The following ARIH2 variants were observed in gnomAD, a reference collection of about 807,000 sequenced individuals.
ARIH2 encodes the protein E3 ubiquitin-protein ligase ARIH2.
Under a neutral mutation model 79.8 loss-of-function variants are expected in ARIH2, and 12 were observed. That is an observed-to-expected ratio of 0.15 (90% CI 0.10 to 0.24). ARIH2 has a LOEUF of 0.24. Among genes scored for constraint, ARIH2 ranks in the 10% least tolerant of loss-of-function variants. The pLI, the probability that ARIH2 is intolerant of heterozygous loss-of-function variation, is 1.00. For missense variants in ARIH2, 301 were observed against 618.3 expected (o/e 0.49, Z 5.44); for synonymous variants, 224 against 213.9 (o/e 1.05, Z -0.41).
intron 3 of ARIH2, among the ~76,000 whole-genome samples, chr3:48,946,166 T>C (rs2089112875): frequency 6.6e-6 from 1 of 152,088 alleles, no homozygotes; most frequent in Non-Finnish European, 1.5e-5. Context: ...TGAGAAAATC[T>C]TAGCATTATT....
At chr3:48,952,886 G>T (rs1559785825) in intron 3 of ARIH2, among the ~76,000 whole-genome samples, 1 of 152,070 alleles carries the variant, frequency 6.6e-6, no homozygotes, top group Non-Finnish European at 1.5e-5. Context: ...TATATTGCCT[G>T]GTATATGTGC....
chr3:48,964,607 G>T (rs1376404136), intron 4 of ARIH2, among the ~76,000 whole-genome samples: 1 of 152,174 alleles, frequency 6.6e-6, no homozygotes, highest in African/African-American at 2.4e-5. Flanking sequence ...AAGCCACTGC[G>T]CCTGGCCTAG....
In ARIH2 at chr3:48,975,753, TG is replaced by T. The variant is rs759481292; in HGVS notation, c.961+779del. 2.8e-4 allele frequency among the ~76,000 whole-genome samples: 42 copies of T among 151,848 alleles called. 1 individual carries two copies. The highest frequency in any genetic ancestry group is 9.7e-4 in the African/African-American group (40 of 41,424). ...CTAATTTCTGTATTTTTAGTAGAGATGGGGGTTTGCCATGTTCGAGGCTGGT... is the reference window on the plus strand; with the variant it reads ...CTAATTTCTGTATTTTTAGTAGAGATGGGGTTTGCCATGTTCGAGGCTGGT... On this transcript the variant is annotated intron_variant, in intron 11 of 15. Coordinates refer to ENST00000356401, the MANE Select transcript of ARIH2 (RefSeq NM_006321.4).
At chr3:48,959,396 T>C (rs2090997785) in intron 3 of ARIH2, among the ~76,000 whole-genome samples, 2 of 151,638 alleles carry the variant, frequency 1.3e-5, no homozygotes, top group Non-Finnish European at 2.9e-5. Flanking sequence ...TGTTAAAGTT[T>C]AAACAAGATG....
At chr3:48,965,731 C>T (rs911594482) in intron 5 of ARIH2, among the ~76,000 whole-genome samples, 1 of 152,158 alleles carries the variant, frequency 6.6e-6, no homozygotes, top group Non-Finnish European at 1.5e-5. Context: ...GGGGCCGAGG[C>T]GGGCGGATCA....
intron 11 of ARIH2, among the ~76,000 whole-genome samples, chr3:48,975,758 G>T (rs922531784): frequency 1.3e-5 from 2 of 151,782 alleles, no homozygotes; most frequent in Non-Finnish European, 2.9e-5. Context: ...AGAGATGGGG[G>T]TTTGCCATGT....
chr3:48,962,770 A>T (rs2091404170), intron 4 of ARIH2, among the ~76,000 whole-genome samples: 1 of 152,080 alleles, frequency 6.6e-6, no homozygotes, highest in Admixed American at 6.6e-5. Flanking sequence ...TTGTCAAATA[A>T]CTCGTGGGGA....
intron 3 of ARIH2, among the ~76,000 whole-genome samples, chr3:48,939,850 A>G (rs1204515552): frequency 6.6e-6 from 1 of 152,122 alleles, no homozygotes; most frequent in East Asian, 1.9e-4. Flanking sequence ...AAAGTATACA[A>G]TTCAGTGGCA....
At chr3:48,965,724 G>A (rs531954941) in intron 5 of ARIH2, among the ~76,000 whole-genome samples, 8 of 152,330 alleles carry the variant, frequency 5.3e-5, no homozygotes, top group African/African-American at 1.9e-4. Context: ...ACTTTGGGGG[G>A]CCGAGGCGGG....
rs541343542 is a variant in ARIH2 at position 48,968,064 on chromosome 3, C to T, written c.539-470C>T. The T allele has an allele frequency of 3.1e-4, 47 of 153,736 alleles. No individual in the cohort carries two copies. The South Asian group carries it at 9.2e-3, about 30-fold the overall frequency. The allele number at this position is 153,736 out of a possible 1,614,324, so 9.5% of individuals were successfully genotyped here. A position where few individuals can be genotyped will look rare whatever the true frequency, so the allele number is the denominator to read the frequency against. On this transcript the variant is annotated intron_variant, in intron 6 of 15. Transcript: ENST00000356401. Reference sequence around the variant, plus strand: ...GTTTGTTTGTTTTTTGAGACAGTTTCGCTCTTGTTGCCCAGGCTGGAGTAC... The same window carrying T: ...GTTTGTTTGTTTTTTGAGACAGTTTTGCTCTTGTTGCCCAGGCTGGAGTAC...
intron 8 of ARIH2, 131 bp downstream of exon 8, chr3:48,970,835 C>T (rs1553717821): frequency 3.1e-6 from 2 of 642,968 alleles, no homozygotes; most frequent in Middle Eastern, 2.5e-4. Context: ...AGCTGTGCTC[C>T]AAGTGGGTAG....
intron 3 of ARIH2, among the ~76,000 whole-genome samples, chr3:48,958,991 G>C (rs1379699597): frequency 6.6e-6 from 1 of 152,064 alleles, no homozygotes; most frequent in Non-Finnish European, 1.5e-5. Flanking sequence ...TCCAGCCTGG[G>C]AAACATAGTG....
chr3:48,927,011 C>G (rs2085717972), intron 2 of ARIH2: 1 of 155,058 alleles, frequency 6.4e-6, no homozygotes, highest in Non-Finnish European at 1.4e-5. Flanking sequence ...CTACATATTA[C>G]AGCAGGAAGT....
Position 48,981,592 on chromosome 3 carries a change from A to G in ARIH2, c.1258-68A>G, listed in dbSNP as rs1430736496. The G allele has an allele frequency of 8.8e-6, 12 of 1,359,200 alleles. No homozygotes were observed. In the East Asian group the frequency reaches 2.1e-4, roughly 24 times the overall value. 84.2% of individuals were successfully genotyped at this position (1,359,200 alleles called of 1,614,324 possible). Reference sequence around the variant, plus strand: ...TTGCATGTTGAGGGTAGGAATTGTAAGAGCCACCTGAGATGCAGGTAGCTT... The same window carrying G: ...TTGCATGTTGAGGGTAGGAATTGTAGGAGCCACCTGAGATGCAGGTAGCTT... On this transcript the variant is annotated intron_variant, in intron 13 of 15. Transcript: ENST00000356401.
At chr3:48,968,454 C>T (rs1241199667) in intron 6 of ARIH2, 80 bp from the exon 7 acceptor site, 1 of 1,435,354 alleles carries the variant, frequency 7.0e-7, no homozygotes, top group Non-Finnish European at 9.6e-7. Context: ...GGTGATCTGC[C>T]TGCCTTGGCC....
intron 3 of ARIH2, among the ~76,000 whole-genome samples, chr3:48,940,943 G>A (rs538390879): frequency 5.3e-5 from 8 of 151,644 alleles, no homozygotes; most frequent in African/African-American, 1.7e-4. Context: ...GCGGAGGCAG[G>A]CGGATCACGA....
Position 48,961,684 on chromosome 3 carries a change from G to T in ARIH2, c.323+5G>T. The T allele has an allele frequency of 2.5e-6, 4 of 1,595,232 alleles. No individual in the cohort carries two copies. The South Asian group carries it at 4.4e-5, about 18-fold the overall frequency. On this transcript the variant is annotated splice_donor_5th_base_variant and intron_variant, in intron 4 of 15. Coordinates refer to ENST00000356401, the MANE Select transcript of ARIH2 (RefSeq NM_006321.4). ...AGTTTCAGAGATATTGGACAGGTAA[G>T]GTATTTGGGGGAGGAGAGAGAACAT...
intron 6 of ARIH2, 99 bp downstream of exon 6, chr3:48,967,374 C>T (rs1273388892): frequency 2.2e-6 from 3 of 1,348,964 alleles, no homozygotes; most frequent in Non-Finnish European, 3.0e-6. Flanking sequence ...TTCTTCTGAG[C>T]CTGATTGGGG....
At chr3:48,964,184 A>G (rs537675437) in intron 4 of ARIH2, among the ~76,000 whole-genome samples, 10 of 150,714 alleles carry the variant, frequency 6.6e-5, no homozygotes, top group Non-Finnish European at 1.3e-4. Flanking sequence ...GCATGAGCCA[A>G]CACTCCCGGA....
Sources: allele counts gnomAD v4.1 joint callset (sites outside exome capture counted in the v4.1 genomes callset), GRCh38; gene constraint gnomAD v4.1.1; transcripts MANE v1.5; gene names NCBI Gene and HGNC (gene_info 2026-07-23, HGNC 2026-07-21).